Variants in ENAH observed in about 807,000 individuals in gnomAD.
The protein encoded by ENAH is ENAH actin regulator, also known as protein enabled homolog.
ENAH carries 23 observed loss-of-function variants against 78.7 expected under a neutral mutation model. That is an observed-to-expected ratio of 0.29 (90% CI 0.21 to 0.41). The LOEUF is 0.41. Ranked by LOEUF, ENAH falls within the 10% of genes least tolerant of loss-of-function variation. The pLI is 1.00. For missense variants in ENAH, 544 were observed against 691.0 expected (o/e 0.79, Z 2.39); for synonymous variants, 226 against 241.0 (o/e 0.94, Z 0.58).
chr1:225,588,940 AC>A (rs1364953644), intron 1 of ENAH, among the ~76,000 whole-genome samples: 6 of 152,154 alleles, frequency 3.9e-5, no homozygotes, highest in Non-Finnish European at 8.8e-5. Context: ...CATCGACAAG[AC>A]GATGAATAAA....
At chr1:225,540,726 G>A (rs1039621637) in intron 3 of ENAH, among the ~76,000 whole-genome samples, 3 of 150,558 alleles carry the variant, frequency 2.0e-5, no homozygotes, top group Admixed American at 1.3e-4. Flanking sequence ...AAGAATCTGA[G>A]GAAGGCTTCT....
At chr1:225,611,094 A>C (rs891719575) in intron 1 of ENAH, among the ~76,000 whole-genome samples, 2 of 152,180 alleles carry the variant, frequency 1.3e-5, no homozygotes. Flanking sequence ...TGTGACTAGA[A>C]GAGGGCATAA....
At chr1:225,622,735 G>T (rs545703292) in intron 1 of ENAH, among the ~76,000 whole-genome samples, 18 of 152,222 alleles carry the variant, frequency 1.2e-4, no homozygotes, top group African/African-American at 4.1e-4. Context: ...CACCTTGGGG[G>T]TAGGTTTCAA....
intron 5 of ENAH, chr1:225,518,084 C>T: frequency 1.8e-6 from 2 of 1,088,958 alleles, no homozygotes; most frequent in Non-Finnish European, 2.6e-6. Flanking sequence ...CATTCAGACA[C>T]AATGTATAAA....
chr1:225,634,393 C>CA (rs778301251), intron 1 of ENAH, among the ~76,000 whole-genome samples: 2 of 152,122 alleles, frequency 1.3e-5, no homozygotes, highest in Non-Finnish European at 2.9e-5. Flanking sequence ...CCCTCATAAA[C>CA]ATCTGGCAGT....
chr1:225,630,136 T>G (rs956045005), intron 1 of ENAH, among the ~76,000 whole-genome samples: 1 of 152,016 alleles, frequency 6.6e-6, no homozygotes, highest in East Asian at 1.9e-4. Flanking sequence ...AGAAAAAAAA[T>G]GTCTAGAAGA....
At chr1:225,626,696 A>G (rs1194683195) in intron 1 of ENAH, among the ~76,000 whole-genome samples, 1 of 152,256 alleles carries the variant, frequency 6.6e-6, no homozygotes, top group East Asian at 1.9e-4. Context: ...AGACTACAAC[A>G]CCAAAGAATT....
In ENAH at chr1:225,489,652, A is replaced by G. The variant is rs2096213622; in HGVS notation, c.*8123T>C. ...AATACAGTGAAAGAGGAAATTCAGA[A>G]CTCAACTTTATCGGGGATGGGCACG... On this transcript the variant is annotated 3_prime_UTR_variant, in exon 14 of 14. Transcript: ENST00000366843. 1 of 152,170 alleles carries G rather than the reference A, an allele frequency of 6.6e-6. No individual in the cohort carries two copies. The highest frequency in any genetic ancestry group is 2.1e-4 in the South Asian group (1 of 4,828). 9.4% of individuals were successfully genotyped at this position (152,170 alleles called of 1,614,324 possible). A position where few individuals can be genotyped will look rare whatever the true frequency, so the allele number is the denominator to read the frequency against.
chr1:225,624,620 C>A (rs1657606776), intron 1 of ENAH, among the ~76,000 whole-genome samples: 1 of 145,854 alleles, frequency 6.9e-6, no homozygotes. Context: ...TAAGACCCTG[C>A]CACTAAATCA....
intron 1 of ENAH, among the ~76,000 whole-genome samples, chr1:225,611,301 A>T (rs1308825384): frequency 5.9e-5 from 9 of 152,006 alleles, no homozygotes; most frequent in Non-Finnish European, 1.2e-4. Flanking sequence ...CAAAAAAAAA[A>T]ATTTATTTAT....
Position 225,535,612 on chromosome 1 carries a change from T to A in ENAH, c.350-4974A>T, listed in dbSNP as rs1342904364. Reference sequence around the variant, plus strand: ...GAAGCTTCGAAGGACAACGGGGCCATCTGAAGAACTTCACATAAACTAAAA... The same window carrying A: ...GAAGCTTCGAAGGACAACGGGGCCAACTGAAGAACTTCACATAAACTAAAA... On this transcript the variant is annotated intron_variant, in intron 3 of 13. Coordinates refer to ENST00000366843, the MANE Select transcript of ENAH (RefSeq NM_018212.6). The A allele has an allele frequency of 2.7e-6, 3 of 1,094,626 alleles. No individual in the cohort carries two copies. In the African/African-American group the frequency reaches 4.9e-5, roughly 18 times the overall value. The allele number at this position is 1,094,626 out of a possible 1,614,324, so 67.8% of individuals were successfully genotyped here.
At chr1:225,621,076 T>C (rs891306290) in intron 1 of ENAH, among the ~76,000 whole-genome samples, 8 of 152,180 alleles carry the variant, frequency 5.3e-5, no homozygotes, top group African/African-American at 1.7e-4. Flanking sequence ...GGTGATATAC[T>C]ATCATTTGAT....
intron 7 of ENAH, among the ~76,000 whole-genome samples, chr1:225,513,360 T>C (rs1400904442): frequency 1.3e-5 from 2 of 152,142 alleles, no homozygotes; most frequent in Non-Finnish European, 1.5e-5. Flanking sequence ...AAGTGAAGGA[T>C]AACAGGCAAA....
At chr1:225,600,573 G>C (rs2096925637) in intron 1 of ENAH, among the ~76,000 whole-genome samples, 4 of 152,262 alleles carry the variant, frequency 2.6e-5, no homozygotes, top group Non-Finnish European at 4.4e-5. Flanking sequence ...TTAAGTTAGA[G>C]AAGGCTGAGA....
chr1:225,488,824 A>G lies in ENAH; in HGVS notation c.*8951T>C, dbSNP rs369183139. The stretch of plus-strand genomic sequence containing the variant: ...TCTGACTTTCTGCCAAATTATCTTT[A>G]TCTTCCTAAGACGAAGCAAAGACTC... On this transcript the variant is annotated 3_prime_UTR_variant, in exon 14 of 14. Transcript: ENST00000366843. The G allele has an allele frequency of 1.3e-5, 2 of 152,324 alleles. No homozygotes were observed. Among genetic ancestry groups the G allele is most frequent in the East Asian group, 3.9e-4 (2 of 5,184 alleles). 9.4% of individuals were successfully genotyped at this position (152,324 alleles called of 1,614,324 possible).
intron 2 of ENAH, among the ~76,000 whole-genome samples, chr1:225,565,887 GAGAC>G (rs993231368): frequency 1.3e-5 from 2 of 152,182 alleles, no homozygotes; most frequent in African/African-American, 4.8e-5. Flanking sequence ...GCACAGGGGA[GAGAC>G]AGACAGAAGG....
Position 225,492,327 on chromosome 1 carries a change from T to C in ENAH, c.*5448A>G, listed in dbSNP as rs1318625318. 6.6e-6 allele frequency: 1 copy of C among 152,248 alleles called. No homozygotes were observed. The highest frequency in any genetic ancestry group is 1.9e-4 in the East Asian group (1 of 5,184). 9.4% of individuals were successfully genotyped at this position (152,248 alleles called of 1,614,324 possible). ...TCTCAAAACTTCTGGCCTCAAGCAA[T>C]CCTCCCGCCTCTGACCAGTTTACCG... is the stretch of plus-strand genomic sequence containing the variant. On this transcript the variant is annotated 3_prime_UTR_variant, in exon 14 of 14. Transcript: ENST00000366843.
chr1:225,546,668 A>G (rs116139474), intron 3 of ENAH, among the ~76,000 whole-genome samples: 141 of 152,358 alleles, frequency 9.3e-4, no homozygotes, highest in African/African-American at 3.2e-3. Context: ...TATAACAGGT[A>G]GGCCACAGGA....
chr1:225,545,926 T>G (rs1276141870), intron 3 of ENAH, among the ~76,000 whole-genome samples: 2 of 149,748 alleles, frequency 1.3e-5, no homozygotes, highest in East Asian at 3.9e-4. Flanking sequence ...TTTTTTTTTT[T>G]TTTTTTTTTT....
Sources: gnomAD v4.1 joint callset for allele counts (sites outside exome capture counted in the v4.1 genomes callset) on GRCh38, gnomAD v4.1.1 for gene constraint, MANE v1.5 for transcripts, NCBI Gene and HGNC (gene_info 2026-07-23, HGNC 2026-07-21) for gene names.